ITSN2: variants seen among roughly 807,000 people sequenced by gnomAD.
The protein encoded by ITSN2 is intersectin 2.
Under a neutral mutation model 243.7 loss-of-function variants are expected in ITSN2, and 156 were observed. The observed-to-expected ratio is 0.64, with a 90% confidence interval of 0.56 to 0.73. ITSN2 has a LOEUF of 0.73. Among genes scored for constraint, ITSN2 ranks in the 30% least tolerant of loss-of-function variants. ITSN2 has a pLI of 0.00. For missense variants in ITSN2, 1,801 were observed against 1,996.1 expected (o/e 0.90, Z 1.86); for synonymous variants, 703 against 699.9 (o/e 1.00, Z -0.07).
intron 29 of ITSN2, among the ~76,000 whole-genome samples, chr2:24,236,566 G>T (rs964767986): frequency 4.6e-5 from 7 of 151,874 alleles, no homozygotes; most frequent in African/African-American, 1.7e-4. Flanking sequence ...ATAGAGTCTT[G>T]TCCTTGTTTA....
At chr2:24,271,371 A>C (rs980463086) in intron 19 of ITSN2, among the ~76,000 whole-genome samples, 1 of 152,210 alleles carries the variant, frequency 6.6e-6, no homozygotes, top group African/African-American at 2.4e-5. Context: ...CATGTATCTA[A>C]AAGAGATACA....
At chr2:24,284,641 G>C in intron 17 of ITSN2, 122 bp downstream of exon 17, 1 of 632,354 alleles carries the variant, frequency 1.6e-6, no homozygotes, top group Non-Finnish European at 2.9e-6. Flanking sequence ...AAAGAAAAAG[G>C]CTTATATTGT....
At chr2:24,236,696 G>T (rs1345019414) in intron 29 of ITSN2, among the ~76,000 whole-genome samples, 1 of 148,236 alleles carries the variant, frequency 6.7e-6, no homozygotes. Context: ...TGGACATAGG[G>T]TCTCATTCTG....
At chr2:24,329,257 T>G (rs1685508544) in intron 1 of ITSN2, among the ~76,000 whole-genome samples, 1 of 6,432 alleles carries the variant, frequency 1.6e-4, no homozygotes, top group Non-Finnish European at 3.8e-4. Flanking sequence ...TCTGTTTTTT[T>G]TTTTGTTTGT....
At chr2:24,328,516 G>T (rs1685415691) in intron 1 of ITSN2, among the ~76,000 whole-genome samples, 1 of 151,506 alleles carries the variant, frequency 6.6e-6, no homozygotes, top group Non-Finnish European at 1.5e-5. Context: ...AGGCTGGAGT[G>T]CAGTGGTGCA....
At chr2:24,264,431 T>TTCTC (rs151266905) in intron 20 of ITSN2, among the ~76,000 whole-genome samples, 3 of 136 alleles carry the variant, frequency 0.022, no homozygotes, top group African/African-American at 0.045. Flanking sequence ...ATTTATTAGA[T>TTCTC]TGTCATAGCT....
intron 1 of ITSN2, among the ~76,000 whole-genome samples, chr2:24,360,040 A>G (rs1280493336): frequency 6.6e-6 from 1 of 151,854 alleles, no homozygotes; most frequent in African/African-American, 2.4e-5. Context: ...CTCGGCCGCA[A>G]GGAAGGGGCA....
At chr2:24,275,338 G>A (rs1677881965) in intron 18 of ITSN2, among the ~76,000 whole-genome samples, 1 of 152,212 alleles carries the variant, frequency 6.6e-6, no homozygotes, top group Non-Finnish European at 1.5e-5. Context: ...ACAGGCGTGT[G>A]TCACCACGCC....
intron 20 of ITSN2, among the ~76,000 whole-genome samples, chr2:24,267,976 A>G (rs776743911): frequency 5.9e-5 from 9 of 152,202 alleles, no homozygotes; most frequent in Non-Finnish European, 1.3e-4. Context: ...TAAGAGGTCA[A>G]TTTTAATCTC....
At chr2:24,216,710 T>G (rs542568272) in intron 31 of ITSN2, among the ~76,000 whole-genome samples, 39 of 151,320 alleles carry the variant, frequency 2.6e-4, no homozygotes, top group African/African-American at 8.7e-4. Flanking sequence ...TGAGCTACGA[T>G]CACACCACTG....
chr2:24,256,617 T>G (rs1249488317), intron 23 of ITSN2, among the ~76,000 whole-genome samples: 2 of 152,222 alleles, frequency 1.3e-5, no homozygotes, highest in Admixed American at 1.3e-4. Context: ...ACCTATCTAG[T>G]TTTTAGCTTT....
chr2:24,297,901 T>C (rs1380972344), intron 13 of ITSN2, among the ~76,000 whole-genome samples: 4 of 152,224 alleles, frequency 2.6e-5, no homozygotes, highest in Admixed American at 2.6e-4. Flanking sequence ...GTAAACCATA[T>C]TGTACAGTCT....
chr2:24,351,582 G>T lies in ITSN2; in HGVS notation c.-34+8722C>A, dbSNP rs573726685. Among the ~76,000 whole-genome samples, 34 of 152,230 alleles carry T rather than the reference G, an allele frequency of 2.2e-4. No individual in the cohort carries two copies. In the East Asian group the frequency reaches 6.2e-3, roughly 28 times the overall value. On this transcript the variant is annotated intron_variant, in intron 1 of 39. Coordinates refer to ENST00000355123, the MANE Select transcript of ITSN2 (RefSeq NM_006277.3). ...TTTCAGTTACCTGTGGTCAACCATG[G>T]TCTCAAAATACAAAATGGATAATTC...
chr2:24,325,349 G>A (rs1685050151), intron 2 of ITSN2, among the ~76,000 whole-genome samples: 1 of 152,088 alleles, frequency 6.6e-6, no homozygotes, highest in Admixed American at 6.5e-5. Context: ...AGTCGAGGCT[G>A]CAGTGAGCTG....
chr2:24,271,130 G>T (rs891683522), intron 19 of ITSN2, among the ~76,000 whole-genome samples: 1 of 152,034 alleles, frequency 6.6e-6, no homozygotes, highest in African/African-American at 2.4e-5. Flanking sequence ...AATATAACAG[G>T]GAAGTAAAGG....
In ITSN2 at chr2:24,225,167, C is replaced by T. The variant is rs1404581487; in HGVS notation, c.3578-4101G>A. ...CTCCAGGGCCCCTCCCTTTCCTTCA[C>T]GCTTCTATGTTCACTCTTCGCCATT... On this transcript the variant is annotated intron_variant, in intron 29 of 39. Coordinates refer to ENST00000355123, the MANE Select transcript of ITSN2 (RefSeq NM_006277.3). The surrounding 1 kb of genome is among the most constrained non-coding windows in gnomAD (Gnocchi z 4.2). Among the ~76,000 whole-genome samples the T allele has an allele frequency of 3.9e-5, 6 of 152,108 alleles. No individual in the cohort carries two copies. The highest frequency in any genetic ancestry group is 3.3e-4 in the Admixed American group (5 of 15,280).
At chr2:24,352,147 GT>G (rs1443728593) in intron 1 of ITSN2, among the ~76,000 whole-genome samples, 1 of 152,060 alleles carries the variant, frequency 6.6e-6, no homozygotes, top group East Asian at 1.9e-4. Context: ...ACCATCCATG[GT>G]TTCAAGCAAC....
intron 13 of ITSN2, among the ~76,000 whole-genome samples, chr2:24,296,196 C>G (rs748311875): frequency 6.6e-6 from 1 of 151,466 alleles, no homozygotes; most frequent in Non-Finnish European, 1.5e-5. Flanking sequence ...TATTTCTACC[C>G]TAAATATGGC....
chr2:24,303,966 GGGAACTT>G (rs1478791892), intron 8 of ITSN2, 104 bp from the exon 9 acceptor site: 1 of 830,418 alleles, frequency 1.2e-6, no homozygotes, highest in Non-Finnish European at 2.0e-6. Flanking sequence ...AGGGTATCCT[GGGAACTT>G]TTAACATCAA....
Sources: gnomAD v4.1 joint callset for allele counts (sites outside exome capture counted in the v4.1 genomes callset) on GRCh38, gnomAD v4.1.1 for gene constraint, Gnocchi (gnomAD v3.1) non-coding constraint, MANE v1.5 for transcripts, NCBI Gene and HGNC (gene_info 2026-07-23, HGNC 2026-07-21) for gene names.